The following CDH18 variants were observed in gnomAD, a reference collection of about 807,000 sequenced individuals.
CDH18 encodes the protein cadherin 18, also known as cadherin-18.
In CDH18, 31 loss-of-function variants were observed where a neutral mutation model predicts 67.9. The observed-to-expected ratio is 0.46, with a 90% confidence interval of 0.34 to 0.62. The LOEUF (loss-of-function observed/expected upper bound fraction) is 0.62. Ranked by LOEUF, CDH18 falls within the 20% of genes least tolerant of loss-of-function variation. The pLI, the probability that CDH18 is intolerant of heterozygous loss-of-function variation, is 0.01. For synonymous variants in CDH18, 362 were observed against 347.2 expected (o/e 1.04, Z -0.48); for missense variants, 890 against 975.5 (o/e 0.91, Z 1.17).
chr5:20,272,148 C>A lies in CDH18; in HGVS notation c.-579-16643G>T, dbSNP rs538111815. On this transcript the variant is annotated intron_variant, in intron 1 of 14. Coordinates refer to the CDH18 transcript ENST00000507958. ...AGAGGAAAGCAAGTAGCAAAACAGACTGAAGATAGCCTAAGAGGAAGAAGT... is the reference window on the plus strand; with the variant it reads ...AGAGGAAAGCAAGTAGCAAAACAGAATGAAGATAGCCTAAGAGGAAGAAGT... Among the ~76,000 whole-genome samples the A allele has an allele frequency of 9.0e-4, 137 of 152,020 alleles. 1 individual carries two copies. The highest frequency in any genetic ancestry group is 3.1e-3 in the African/African-American group (127 of 41,506).
At chr5:20,565,660 G>A (rs1346759493) in intron 1 of CDH18, among the ~76,000 whole-genome samples, 1 of 151,434 alleles carries the variant, frequency 6.6e-6, no homozygotes. Context: ...AGGTGGGAGA[G>A]AAGTGAAAGA....
chr5:19,612,955 A>C (rs1254423809), intron 5 of CDH18, among the ~76,000 whole-genome samples: 1 of 151,834 alleles, frequency 6.6e-6, no homozygotes, highest in South Asian at 2.1e-4. Context: ...CTTGACCAGT[A>C]TGGTGAAACC....
At chr5:19,814,154 G>A (rs910088844) in intron 3 of CDH18, among the ~76,000 whole-genome samples, 71 of 151,378 alleles carry the variant, frequency 4.7e-4, no homozygotes, top group African/African-American at 1.5e-3. Flanking sequence ...AGTCTCAATA[G>A]ACTATTGAGA....
intron 3 of CDH18, among the ~76,000 whole-genome samples, chr5:19,774,226 G>A (rs564467442): frequency 2.0e-5 from 3 of 151,934 alleles, no homozygotes; most frequent in African/African-American, 7.2e-5. Context: ...CAACTATTAT[G>A]GACTGAATAT....
chr5:20,134,914 C>T (rs1253819158), intron 2 of CDH18, among the ~76,000 whole-genome samples: 2 of 152,052 alleles, frequency 1.3e-5, no homozygotes, highest in Admixed American at 6.6e-5. Flanking sequence ...TCTCTTAGTG[C>T]GTCTCATCTT....
At chr5:20,457,353 T>G (rs1044857062) in intron 1 of CDH18, among the ~76,000 whole-genome samples, 1 of 152,214 alleles carries the variant, frequency 6.6e-6, no homozygotes, top group African/African-American at 2.4e-5. Context: ...TGATATAAAA[T>G]GATACCTAAT....
intron 5 of CDH18, among the ~76,000 whole-genome samples, chr5:19,638,977 G>GTTTTTTTTTTTTTCTTT (rs1753591390): frequency 1.8e-5 from 1 of 54,686 alleles, no homozygotes. Flanking sequence ...TTTTGTTGCT[G>GTTTTTTTTTTTTTCTTT]TTTTTTTTTT....
intron 3 of CDH18, among the ~76,000 whole-genome samples, chr5:19,762,160 A>G (rs1233284943): frequency 6.6e-6 from 1 of 152,170 alleles, no homozygotes. Flanking sequence ...CCTAGGCAAT[A>G]CCATTCAGGA....
intron 2 of CDH18, among the ~76,000 whole-genome samples, chr5:20,201,280 G>A (rs760327017): frequency 6.6e-6 from 1 of 151,914 alleles, no homozygotes; most frequent in East Asian, 1.9e-4. Context: ...CTAAGGACAT[G>A]AATCACATTG....
intron 5 of CDH18, among the ~76,000 whole-genome samples, chr5:19,698,285 T>C (rs1222290876): frequency 6.6e-6 from 1 of 152,158 alleles, no homozygotes; most frequent in Non-Finnish European, 1.5e-5. Context: ...ATGAAAGCAT[T>C]ATCATTTTAT....
At chr5:20,486,490 C>T (rs1396338) in intron 1 of CDH18, among the ~76,000 whole-genome samples, 140,804 of 151,908 alleles carry the variant, frequency 0.93, 65,632 homozygotes, top group South Asian at 0.98. Context: ...TGATTTAGAG[C>T]TCAAATTTCT....
At chr5:19,776,118 A>T (rs1338894933) in intron 3 of CDH18, among the ~76,000 whole-genome samples, 1 of 152,242 alleles carries the variant, frequency 6.6e-6, no homozygotes, top group Non-Finnish European at 1.5e-5. Flanking sequence ...TTTGAAAAAA[A>T]TACTATCTTG....
intron 11 of CDH18, among the ~76,000 whole-genome samples, chr5:19,499,651 AT>A (rs1460373617): frequency 4.6e-5 from 7 of 151,930 alleles, no homozygotes; most frequent in Non-Finnish European, 8.8e-5. Context: ...TTATTTCTGT[AT>A]TTTGAAGTAA....
At chr5:19,476,529 T>G (rs1738501319) in intron 12 of CDH18, among the ~76,000 whole-genome samples, 2 of 152,102 alleles carry the variant, frequency 1.3e-5, no homozygotes. Context: ...TACAGTTTTC[T>G]AATTCAAAGC....
intron 1 of CDH18, among the ~76,000 whole-genome samples, chr5:20,308,996 A>T (rs2149984973): frequency 6.6e-6 from 1 of 152,278 alleles, no homozygotes; most frequent in East Asian, 1.9e-4. Flanking sequence ...TTTACACTGG[A>T]TAGAGGATTG....
rs569363387 is a variant in CDH18 at position 20,039,334 on chromosome 5, G to GA, written c.-517-47321dup. 7.0e-4 allele frequency among the ~76,000 whole-genome samples: 106 copies of GA among 151,438 alleles called. No homozygotes were observed. In the South Asian group the frequency reaches 0.017, roughly 25 times the overall value. Reference sequence around the variant, plus strand: ...ACCATTGACTTTCTTCACAAAATTAGAAAAAAAACTACTTTAAATTTCATA... The same window carrying GA: ...ACCATTGACTTTCTTCACAAAATTAGAAAAAAAAACTACTTTAAATTTCATA... On this transcript the variant is annotated intron_variant, in intron 2 of 14. Transcript: ENST00000507958.
At chr5:20,192,203 T>C (rs1433612499) in intron 2 of CDH18, among the ~76,000 whole-genome samples, 1 of 151,596 alleles carries the variant, frequency 6.6e-6, no homozygotes, top group Non-Finnish European at 1.5e-5. Context: ...TTTCGACGTT[T>C]TTTTTTTTCT....
chr5:20,206,336 C>T (rs1457682041), intron 2 of CDH18, among the ~76,000 whole-genome samples: 2 of 151,856 alleles, frequency 1.3e-5, no homozygotes, highest in South Asian at 2.1e-4. Context: ...GAGACTGATG[C>T]CATAATGAAG....
chr5:20,333,550 C>CACAT (rs1267435021), intron 1 of CDH18, among the ~76,000 whole-genome samples: 1 of 147,054 alleles, frequency 6.8e-6, no homozygotes, highest in Non-Finnish European at 1.5e-5. Flanking sequence ...CACACACACA[C>CACAT]ATATATGTAT....
Sources: gnomAD v4.1 joint callset for allele counts (sites outside exome capture counted in the v4.1 genomes callset) on GRCh38, gnomAD v4.1.1 for gene constraint, MANE v1.5 for transcripts, NCBI Gene and HGNC (gene_info 2026-07-23, HGNC 2026-07-21) for gene names.